CA10: variants seen among roughly 807,000 people sequenced by gnomAD.
CA10 encodes the protein carbonic anhydrase 10 (inactive).
In CA10, 14 loss-of-function variants were observed where a neutral mutation model predicts 44.2. The ratio of observed to expected loss-of-function variants is 0.32; its 90% CI spans 0.21 to 0.50. The LOEUF is 0.50. CA10 is among the 20% of genes least tolerant of loss of function. The pLI is 0.99. For missense variants in CA10, 350 were observed against 409.7 expected (o/e 0.85, Z 1.26); for synonymous variants, 159 against 141.6 (o/e 1.12, Z -0.87).
chr17:52,034,240 C>T (rs1439679085), intron 2 of CA10, among the ~76,000 whole-genome samples: 3 of 152,148 alleles, frequency 2.0e-5, no homozygotes, highest in Non-Finnish European at 4.4e-5. Flanking sequence ...CAGAAAGAAA[C>T]TTCTGGAGGT....
intron 2 of CA10, among the ~76,000 whole-genome samples, chr17:51,946,813 T>C (rs534540062): frequency 1.6e-4 from 24 of 152,284 alleles, no homozygotes; most frequent in African/African-American, 5.8e-4. Flanking sequence ...TTAATAATCC[T>C]TGTAGCTTAT....
intron 4 of CA10, among the ~76,000 whole-genome samples, chr17:51,675,986 T>C (rs942233194): frequency 3.3e-5 from 5 of 152,218 alleles, no homozygotes; most frequent in African/African-American, 9.6e-5. Flanking sequence ...ACCGTGATGC[T>C]TGTAAGGTCC....
chr17:51,724,405 C>T (rs1036355826), intron 4 of CA10, among the ~76,000 whole-genome samples: 4 of 152,158 alleles, frequency 2.6e-5, no homozygotes, highest in Admixed American at 6.5e-5. Context: ...AATGGGCTCA[C>T]TATAAACACC....
chr17:52,038,062 G>A (rs1986667758), intron 2 of CA10, among the ~76,000 whole-genome samples: 1 of 151,928 alleles, frequency 6.6e-6, no homozygotes, highest in African/African-American at 2.4e-5. Context: ...CAAGTGCCTG[G>A]TATACAGAAG....
At chr17:51,733,382 G>T (rs951440195) in intron 4 of CA10, among the ~76,000 whole-genome samples, 3 of 152,116 alleles carry the variant, frequency 2.0e-5, no homozygotes, top group Admixed American at 6.5e-5. Flanking sequence ...AGGCAGGGAG[G>T]CTGGGAAGCT....
intron 3 of CA10, among the ~76,000 whole-genome samples, chr17:51,919,296 A>G (rs1251083668): frequency 2.6e-5 from 4 of 152,202 alleles, no homozygotes; most frequent in Non-Finnish European, 4.4e-5. Flanking sequence ...GGTCAGGCTT[A>G]CAAGGAGTAG....
chr17:51,974,418 A>G (rs1984390983), intron 2 of CA10, among the ~76,000 whole-genome samples: 1 of 151,272 alleles, frequency 6.6e-6, no homozygotes, highest in Non-Finnish European at 1.5e-5. Flanking sequence ...AAGGAATTGT[A>G]TAGCCTTATC....
At chr17:52,139,801 T>A (rs1295884919) in intron 1 of CA10, among the ~76,000 whole-genome samples, 1 of 152,090 alleles carries the variant, frequency 6.6e-6, no homozygotes, top group African/African-American at 2.4e-5. Context: ...GGATAAGAAG[T>A]CCCTCATAGG....
At chr17:52,152,484 C>A (rs1989723759) in intron 1 of CA10, among the ~76,000 whole-genome samples, 1 of 151,990 alleles carries the variant, frequency 6.6e-6, no homozygotes, top group African/African-American at 2.4e-5. Flanking sequence ...CTCTTTCATC[C>A]AAACCTCCAA....
At chr17:51,728,548 A>T (rs1487779026) in intron 4 of CA10, among the ~76,000 whole-genome samples, 2 of 152,076 alleles carry the variant, frequency 1.3e-5, no homozygotes, top group Admixed American at 1.3e-4. Context: ...CCCTCAGTTT[A>T]TGTTTGTCTG....
chr17:52,072,545 T>TC, intron 1 of CA10, 152 bp from the exon 2 acceptor site: 2 of 554,164 alleles, frequency 3.6e-6, no homozygotes, highest in Non-Finnish European at 6.4e-6. Flanking sequence ...TTCCCTTTTT[T>TC]TTTTCAAATA....
At position 51,666,003 on chromosome 17, in the gene CA10, C is replaced by G. The variant is rs1597972286; in HGVS notation, c.466-12267G>C. On this transcript the variant is annotated intron_variant, in intron 4 of 8. Coordinates refer to ENST00000451037, the MANE Select transcript of CA10 (RefSeq NM_020178.5). ...AAAAAATATGAATGTGCAGCTTAGT[C>G]CCAGGGTCTCCTGGCAGCCACTTTG... Among the ~76,000 whole-genome samples the G allele has an allele frequency of 2.0e-5, 3 of 152,340 alleles. No individual in the cohort carries two copies. In the East Asian group the frequency reaches 5.8e-4, roughly 29 times the overall value.
intron 2 of CA10, among the ~76,000 whole-genome samples, chr17:51,942,063 T>C (rs1983098178): frequency 6.6e-6 from 1 of 152,154 alleles, no homozygotes; most frequent in African/African-American, 2.4e-5. Flanking sequence ...TGGAGATCAG[T>C]TGAACTTAGC....
intron 1 of CA10, among the ~76,000 whole-genome samples, chr17:52,131,314 A>T (rs936789615): frequency 2.0e-5 from 3 of 152,250 alleles, no homozygotes; most frequent in African/African-American, 7.2e-5. Context: ...TACAAAATTT[A>T]ATGTTTTAAA....
intron 4 of CA10, among the ~76,000 whole-genome samples, chr17:51,659,053 C>T (rs1913904526): frequency 2.6e-5 from 4 of 152,048 alleles, no homozygotes; most frequent in Admixed American, 2.0e-4. Context: ...AAAGGGATGC[C>T]CAGACAGCAG....
chr17:51,855,653 A>G (rs542235104), intron 3 of CA10, among the ~76,000 whole-genome samples: 20 of 152,232 alleles, frequency 1.3e-4, no homozygotes, highest in Non-Finnish European at 2.2e-4. Context: ...TTCTGCTGGT[A>G]GGTAATGCAT....
intron 3 of CA10, among the ~76,000 whole-genome samples, chr17:51,928,964 A>G (rs1486225976): frequency 6.6e-6 from 1 of 152,182 alleles, no homozygotes; most frequent in Non-Finnish European, 1.5e-5. Flanking sequence ...TCTTCAAACC[A>G]CTGACAACAA....
intron 3 of CA10, among the ~76,000 whole-genome samples, chr17:51,888,777 C>A (rs1307522077): frequency 6.6e-6 from 1 of 152,200 alleles, no homozygotes; most frequent in Non-Finnish European, 1.5e-5. Context: ...GTGTGTTCTG[C>A]TGTTCCCATT....
chr17:52,036,530 C>T (rs1380532523), intron 2 of CA10, among the ~76,000 whole-genome samples: 1 of 152,070 alleles, frequency 6.6e-6, no homozygotes, highest in Non-Finnish European at 1.5e-5. Context: ...AATAAATAGT[C>T]ATCCAACAGG....
Sources: allele counts gnomAD v4.1 joint callset (sites outside exome capture counted in the v4.1 genomes callset), GRCh38; gene constraint gnomAD v4.1.1; transcripts MANE v1.5; gene names NCBI Gene and HGNC (gene_info 2026-07-23, HGNC 2026-07-21).